METTL27: variants seen among roughly 807,000 people sequenced by gnomAD.
METTL27 encodes methyltransferase like 27.
A neutral mutation model predicts 24.5 loss-of-function variants in METTL27; 29 were observed. That is an observed-to-expected ratio of 1.18 (90% CI 0.88 to 1.61). The LOEUF (loss-of-function observed/expected upper bound fraction) is 1.61. Among genes scored for constraint, METTL27 ranks in the 40% most tolerant of loss-of-function variants. The pLI, the probability that METTL27 is intolerant of heterozygous loss-of-function variation, is 0.00. For synonymous variants in METTL27, 138 were observed against 146.8 expected, an observed-to-expected ratio of 0.94 and a Z score of 0.43; for missense variants, 341 against 324.3, an observed-to-expected ratio of 1.05 and a Z score of -0.40.
intron 5 of METTL27, 138 bp downstream of exon 5, chr7:73,839,892 AG>A (rs1554635946): frequency 2.8e-6 from 2 of 705,512 alleles, no homozygotes; most frequent in Non-Finnish European, 4.3e-6. Flanking sequence ...CTGGGATGTT[AG>A]GCTAGGCTGT....
chr7:73,837,451 AT>A (rs1788242230), intron 5 of METTL27, among the ~76,000 whole-genome samples: 1 of 149,592 alleles, frequency 6.7e-6, no homozygotes, highest in Non-Finnish European at 1.5e-5. Flanking sequence ...AAAAGTGAAA[AT>A]AAAACCTAAT....
In METTL27 at chr7:73,841,707, A is replaced by G. The variant is rs1584341856; in HGVS notation, c.123+311T>C. The stretch of plus-strand genomic sequence containing the variant: ...TGGCCAGGCTGGTCTCGAACTCCTG[A>G]CCTCAGGTGATCCGCCCGCCTCGGC... On this transcript the variant is annotated intron_variant, in intron 2 of 5. Coordinates refer to ENST00000297873, the MANE Select transcript of METTL27 (RefSeq NM_152559.3). Among the ~76,000 whole-genome samples, 3 of 150,898 alleles carry G rather than the reference A, an allele frequency of 2.0e-5. 1 individual carries two copies. The South Asian group carries it at 6.3e-4, about 32-fold the overall frequency.
chr7:73,841,336 GC>G, intron 2 of METTL27, 138 bp from the exon 3 acceptor site: 1 of 1,298,722 alleles, frequency 7.7e-7, no homozygotes, highest in Non-Finnish European at 1.0e-6. Context: ...GTGAGGGGAC[GC>G]CCAGGCATGA....
chr7:73,840,127 G>A lies in METTL27; in HGVS notation c.389-7C>T, dbSNP rs201188950. 4 of 1,527,886 alleles carry A rather than the reference G, an allele frequency of 2.6e-6. No homozygotes were observed. In the East Asian group the frequency reaches 9.5e-5, roughly 36 times the overall value. 94.6% of individuals were successfully genotyped at this position (1,527,886 alleles called of 1,614,324 possible). A position where few individuals can be genotyped will look rare whatever the true frequency, so the allele number is the denominator to read the frequency against. On this transcript the variant is annotated splice_region_variant and splice_polypyrimidine_tract_variant and intron_variant, in intron 4 of 5. Transcript: ENST00000297873. Reference sequence around the variant, plus strand: ...AGCACCGCGTCGAAGGTCCCTGTGTGTGTGTGGGGGGGGGTGGGGACATGG... The same window carrying A: ...AGCACCGCGTCGAAGGTCCCTGTGTATGTGTGGGGGGGGGTGGGGACATGG...
rs782631266 is a variant in METTL27, at chr7:73,840,009, G to T, written c.478+22C>A. 7.5e-6 allele frequency: 12 copies of T among 1,595,180 alleles called. No homozygotes were observed. The South Asian group carries it at 1.1e-4, about 15-fold the overall frequency. ...GTATATGGTGACGGGGGTTGGGGGTGGTTGGCTGGGCTGCTCCTCACCTGG... is the reference window on the plus strand; with the variant it reads ...GTATATGGTGACGGGGGTTGGGGGTTGTTGGCTGGGCTGCTCCTCACCTGG... On this transcript the variant is annotated intron_variant, in intron 5 of 5. Transcript: ENST00000297873.
At position 73,841,095 on chromosome 7, in the gene METTL27, C is replaced by T. The variant is rs781919106; in HGVS notation, c.227G>A (p.Cys76Tyr). Residue 76 changes from cysteine (C) to tyrosine (Y), a missense_variant, in exon 3 of 6, where the codon TGT (cysteine) becomes TAT (tyrosine). Transcript: ENST00000297873. ...CTCGGCAGCCACTAGGCCTGTGCCA[C>T]AGGCCACGTCCAGGATCAGGGCACT... ...PHSALILDVACGTGLVAAELR... is the reference protein window; with the variant it reads ...PHSALILDVAYGTGLVAAELR... 2.0e-6 allele frequency: 3 copies of T among 1,513,478 alleles called. No homozygotes were observed. Among genetic ancestry groups the T allele is most frequent in the Non-Finnish European group, 2.6e-6 (3 of 1,140,668 alleles). 93.8% of individuals were successfully genotyped at this position (1,513,478 alleles called of 1,614,324 possible).
At chr7:73,838,809 A>G (rs1554635786) in intron 5 of METTL27, among the ~76,000 whole-genome samples, 1 of 139,022 alleles carries the variant, frequency 7.2e-6, no homozygotes, top group African/African-American at 2.7e-5. Context: ...AGGCTTAGCC[A>G]CAGCCTCTGC....
At chr7:73,841,928 A>C in intron 2 of METTL27, 90 bp downstream of exon 2, 4 of 1,603,432 alleles carry the variant, frequency 2.5e-6, no homozygotes, top group African/African-American at 1.3e-5. Flanking sequence ...TCGTCCTCAC[A>C]GCCGCCCCCG....
At chr7:73,841,414 A>G (rs1238587520) in intron 2 of METTL27, among the ~76,000 whole-genome samples, 2 of 151,510 alleles carry the variant, frequency 1.3e-5, no homozygotes, top group African/African-American at 4.9e-5. Flanking sequence ...CAGTAGACTC[A>G]GCCCTCCAGG....
At position 73,835,097 on chromosome 7, in the gene METTL27, T is replaced by C. The variant is rs1477035149; in HGVS notation, c.479-95A>G. On this transcript the variant is annotated intron_variant, in intron 5 of 5. Transcript: ENST00000297873. The stretch of plus-strand genomic sequence containing the variant: ...TGGTTGTCCCTTCAAGGCAAGAAAT[T>C]CGACTTAAAAGATTGGGGACGCTCT... 3 of 1,459,890 alleles carry C rather than the reference T, an allele frequency of 2.1e-6. No individual in the cohort carries two copies. In the African/African-American group the frequency reaches 4.3e-5, roughly 21 times the overall value. 90.4% of individuals were successfully genotyped at this position (1,459,890 alleles called of 1,614,324 possible). A position where few individuals can be genotyped will look rare whatever the true frequency, so the allele number is the denominator to read the frequency against.
intron 5 of METTL27, chr7:73,839,726 C>G (rs557660449): frequency 2.8e-6 from 1 of 353,270 alleles, no homozygotes; most frequent in South Asian, 7.6e-5. Context: ...CACTGCAGTC[C>G]TACGGGGACT....
At position 73,840,430 on chromosome 7, in the gene METTL27, A is replaced by G. The variant is rs1554636130; in HGVS notation, c.372T>C (p.Pro124=). 1 of 1,587,182 alleles carries G rather than the reference A, an allele frequency of 6.3e-7. No homozygotes were observed. Among genetic ancestry groups the G allele is most frequent in the East Asian group, 2.3e-5 (1 of 43,166 alleles). The change falls in exon 4 of 6, where the codon CCT becomes CCC. Residue 124 remains proline, a synonymous_variant. Transcript: ENST00000297873. ...AGAAAGTACCTTCCGGGCTGGGCAG[A>G]GGCTCCTGGCCCAGGGTGCAGAGGC... ...RLSLCTLGQE[P]LPSPEGTFDA...
intron 5 of METTL27, among the ~76,000 whole-genome samples, chr7:73,836,342 C>T (rs113957810): frequency 0.47 from 46,204 of 97,872 alleles, 7,387 homozygotes; most frequent in Non-Finnish European, 0.55. Context: ...TCTGCCCGGC[C>T]GCCCCTACTG....
intron 5 of METTL27, among the ~76,000 whole-genome samples, chr7:73,835,569 C>A (rs1382070965): frequency 2.8e-5 from 4 of 142,986 alleles, no homozygotes; most frequent in South Asian, 2.3e-4. Flanking sequence ...GCTACAACCT[C>A]CACCTCCCAG....
intron 5 of METTL27, among the ~76,000 whole-genome samples, chr7:73,838,649 G>A (rs1374433665): frequency 4.6e-5 from 7 of 152,202 alleles, no homozygotes; most frequent in Non-Finnish European, 1.0e-4. Flanking sequence ...AGCAAGCACA[G>A]GTTGGGCTAG....
At chr7:73,836,262 G>T (rs1481234385) in intron 5 of METTL27, among the ~76,000 whole-genome samples, 5 of 72,002 alleles carry the variant, frequency 6.9e-5, no homozygotes, top group African/African-American at 5.8e-5. Flanking sequence ...CAGCCGCCCC[G>T]TCCAGGAGGG....
chr7:73,842,435 G>A, intron 1 of METTL27, 55 bp downstream of exon 1: 1 of 387,404 alleles, frequency 2.6e-6, no homozygotes, highest in Non-Finnish European at 4.6e-6. Flanking sequence ...GAGGGTCGGA[G>A]GTGGGCGACA....
intron 2 of METTL27, 34 bp from the exon 3 acceptor site, chr7:73,841,232 G>T (rs1563653446): frequency 6.5e-7 from 1 of 1,547,784 alleles, no homozygotes; most frequent in Non-Finnish European, 8.7e-7. Flanking sequence ...CAACACCGGT[G>T]CCCCAGTGTT....
chr7:73,835,038 A>G, intron 5 of METTL27, 36 bp from the exon 6 acceptor site: 1 of 1,573,832 alleles, frequency 6.4e-7, no homozygotes, highest in Non-Finnish European at 8.6e-7. Context: ...GGGGAGGGGC[A>G]GGAGCCACAG....
Sources: allele counts gnomAD v4.1 joint callset (sites outside exome capture counted in the v4.1 genomes callset), GRCh38; gene constraint gnomAD v4.1.1; transcripts MANE v1.5; gene names NCBI Gene and HGNC (gene_info 2026-07-23, HGNC 2026-07-21).